Variants in ZFHX3 observed in about 807,000 individuals in gnomAD.
ZFHX3 encodes the protein zinc finger homeobox protein 3.
A neutral mutation model predicts 279.1 loss-of-function variants in ZFHX3; 42 were observed. The observed-to-expected ratio is 0.15, with a 90% CI of 0.12 to 0.19. The LOEUF is 0.19. Among genes scored for constraint, ZFHX3 ranks in the 10% least tolerant of loss-of-function variants. The pLI, the probability that ZFHX3 is intolerant of heterozygous loss-of-function variation, is 1.00. For missense variants in ZFHX3, 4,981 were observed against 4,754.0 expected, an observed-to-expected ratio of 1.05 and a Z score of -1.40; for synonymous variants, 2,293 against 1,957.8, an observed-to-expected ratio of 1.17 and a Z score of -4.52.
intron 1 of ZFHX3, among the ~76,000 whole-genome samples, chr16:73,881,354 T>C (rs1198803579): frequency 1.3e-5 from 2 of 151,878 alleles, no homozygotes; most frequent in African/African-American, 4.8e-5. Flanking sequence ...CTAAACTAAG[T>C]TGATTTCCAG....
At chr16:73,691,642 T>C (rs1248553994) in intron 1 of ZFHX3, among the ~76,000 whole-genome samples, 1 of 152,186 alleles carries the variant, frequency 6.6e-6, no homozygotes, top group East Asian at 1.9e-4. Context: ...ATTCTATAAA[T>C]ATTCCCATTT....
intron 1 of ZFHX3, among the ~76,000 whole-genome samples, chr16:73,773,933 C>G (rs778529073): frequency 5.9e-5 from 9 of 152,014 alleles, no homozygotes; most frequent in Non-Finnish European, 1.2e-4. Context: ...AGGCCAGGAG[C>G]TCCAGACTAA....
chr16:73,128,842 C>T (rs927283146), intron 7 of ZFHX3, among the ~76,000 whole-genome samples: 18 of 152,138 alleles, frequency 1.2e-4, no homozygotes, highest in African/African-American at 4.1e-4. Flanking sequence ...TTAGAAGAGA[C>T]CATCAGAGAA....
chr16:73,133,800 C>T (rs529841003), intron 6 of ZFHX3, among the ~76,000 whole-genome samples: 1 of 152,174 alleles, frequency 6.6e-6, no homozygotes, highest in Non-Finnish European at 1.5e-5. Flanking sequence ...TTGGGACATA[C>T]CCTGTTAGAA....
intron 5 of ZFHX3, 84 bp downstream of exon 5, chr16:72,829,695 C>A: frequency 6.7e-7 from 1 of 1,486,000 alleles, no homozygotes; most frequent in South Asian, 1.1e-5. Context: ...GACTTGTTAG[C>A]TCCATTCTTC....
chr16:73,565,126 T>C lies in ZFHX3; in HGVS notation c.-1546-108868A>G, dbSNP rs930351450. On this transcript the variant is annotated intron_variant, in intron 2 of 17. Transcript: ENST00000641206. ...ACACGTAGCTGGATGTGGTGGCACA[T>C]ACCTGTAGTCCCAGCTATTCGGGAG... is the stretch of plus-strand genomic sequence containing the variant. Among the ~76,000 whole-genome samples the C allele has an allele frequency of 2.6e-5, 4 of 152,196 alleles. 1 individual carries two copies.
Position 72,959,518 on chromosome 16 carries a change from C to T in ZFHX3, c.628G>A (p.Gly210Ser). 1 of 1,614,220 alleles carries T rather than the reference C, an allele frequency of 6.2e-7. No individual in the cohort carries two copies. Residue 210 changes from glycine to serine, a missense_variant, in exon 2 of 10, where the codon GGC becomes AGC. Gly to Ser is a moderately conservative substitution (Grantham distance 56, BLOSUM62 0). Around this residue, in one of 7 missense-constraint regions of ZFHX3, gnomAD observed 1,068 missense variants for 935.2 expected, o/e 1.14. Transcript: ENST00000268489. Reference protein sequence around the residue: ...IASSFGKWFEGPDQAFPNTSA... With the variant: ...IASSFGKWFESPDQAFPNTSA... ...GTATTCGGGAAAGCCTGGTCTGGGC[C>T]CTCAAACCATTTCCCGAAGGATGAG...
intron 1 of ZFHX3, among the ~76,000 whole-genome samples, chr16:73,780,653 G>A (rs1959437977): frequency 6.6e-6 from 1 of 152,108 alleles, no homozygotes; most frequent in South Asian, 2.1e-4. Flanking sequence ...TGTTAGCCAG[G>A]CTGGTCTCAA....
At chr16:73,161,408 A>T (rs1017071197) in intron 5 of ZFHX3, among the ~76,000 whole-genome samples, 1 of 152,156 alleles carries the variant, frequency 6.6e-6, no homozygotes, top group Non-Finnish European at 1.5e-5. Flanking sequence ...ACGGTTATTG[A>T]TCACATTCCA....
At chr16:73,028,254 G>C (rs183182854) in intron 1 of ZFHX3, among the ~76,000 whole-genome samples, 2 of 152,316 alleles carry the variant, frequency 1.3e-5, no homozygotes, top group East Asian at 3.9e-4. Flanking sequence ...CTCCTATTTA[G>C]AGAAATGAGC....
At chr16:73,280,908 C>T (rs1228862441) in intron 4 of ZFHX3, among the ~76,000 whole-genome samples, 1 of 151,638 alleles carries the variant, frequency 6.6e-6, no homozygotes, top group Non-Finnish European at 1.5e-5. Flanking sequence ...TCTTTTGAAC[C>T]TGGGAGGTAG....
intron 5 of ZFHX3, 74 bp from the exon 6 acceptor site, chr16:72,812,112 A>T (rs1206885469): frequency 6.5e-7 from 1 of 1,546,348 alleles, no homozygotes; most frequent in Non-Finnish European, 8.7e-7. Context: ...GTTGGGTGAA[A>T]ATCAACATTC....
At chr16:73,575,117 T>C (rs1192843000) in intron 2 of ZFHX3, among the ~76,000 whole-genome samples, 1 of 152,214 alleles carries the variant, frequency 6.6e-6, no homozygotes, top group African/African-American at 2.4e-5. Flanking sequence ...CTTCCTATGT[T>C]CTACATCACA....
At chr16:73,319,678 C>G (rs898627132) in intron 3 of ZFHX3, among the ~76,000 whole-genome samples, 2 of 152,156 alleles carry the variant, frequency 1.3e-5, no homozygotes, top group African/African-American at 4.8e-5. Context: ...ATCAAGTTGG[C>G]TTTGAAAGTA....
intron 4 of ZFHX3, among the ~76,000 whole-genome samples, chr16:72,840,713 C>G (rs78783292): frequency 3.6e-4 from 55 of 152,342 alleles, no homozygotes; most frequent in African/African-American, 1.3e-3. Flanking sequence ...CAGCTTCACC[C>G]TTGCGAAGCA....
At chr16:73,205,697 A>G (rs774284271) in intron 5 of ZFHX3, among the ~76,000 whole-genome samples, 12 of 152,166 alleles carry the variant, frequency 7.9e-5, no homozygotes, top group Admixed American at 1.3e-4. Flanking sequence ...TTTGGCTTTC[A>G]ATTCAAGATT....
intron 1 of ZFHX3, among the ~76,000 whole-genome samples, chr16:73,795,568 C>A (rs1401095903): frequency 6.6e-6 from 1 of 152,066 alleles, no homozygotes; most frequent in African/African-American, 2.4e-5. Flanking sequence ...GAATAGAGAA[C>A]CTTTCTATCT....
intron 1 of ZFHX3, among the ~76,000 whole-genome samples, chr16:73,690,554 A>G (rs906063916): frequency 6.6e-6 from 1 of 151,934 alleles, no homozygotes; most frequent in Non-Finnish European, 1.5e-5. Flanking sequence ...CCCTTCATGC[A>G]CTCCCTTTGC....
rs1305948449 is a variant in ZFHX3, at chr16:73,492,178, C to T, written c.-1546-35920G>A. ...CATTGCCATCTCCTGCCTCTGACTCCAACCTCTTTCCCACCTTCTTTAGTG... is the reference window on the plus strand; with the variant it reads ...CATTGCCATCTCCTGCCTCTGACTCTAACCTCTTTCCCACCTTCTTTAGTG... On this transcript the variant is annotated intron_variant, in intron 2 of 17. Coordinates refer to the ZFHX3 transcript ENST00000641206. 4.6e-5 allele frequency among the ~76,000 whole-genome samples: 7 copies of T among 152,286 alleles called. No homozygotes were observed. In the East Asian group the frequency reaches 1.4e-3, roughly 29 times the overall value.
Sources: allele counts gnomAD v4.1 joint callset (sites outside exome capture counted in the v4.1 genomes callset), GRCh38; gene constraint gnomAD v4.1.1; regional missense constraint gnomAD v4.1.1; transcripts MANE v1.5; gene names NCBI Gene and HGNC (gene_info 2026-07-23, HGNC 2026-07-21).